The following PAX5 variants were observed in gnomAD, a reference collection of about 807,000 sequenced individuals.
The protein encoded by PAX5 is paired box protein Pax-5.
A neutral mutation model predicts 43.7 loss-of-function variants in PAX5; 9 were observed. The ratio of observed to expected loss-of-function variants is 0.21; its 90% confidence interval spans 0.12 to 0.36. PAX5 has a LOEUF of 0.36. PAX5 is among the 10% of genes least tolerant of loss of function. The pLI is 1.00. For synonymous variants in PAX5, 228 were observed against 214.3 expected, an observed-to-expected ratio of 1.06 and a Z score of -0.56; for missense variants, 383 against 532.7, an observed-to-expected ratio of 0.72 and a Z score of 2.77.
At position 36,838,230 on chromosome 9, in the gene PAX5, C is replaced by A. The variant is rs992638897; in HGVS notation, c.*2330G>T. 2.1e-5 allele frequency: 5 copies of A among 233,038 alleles called. No homozygotes were observed. Among genetic ancestry groups the A allele is most frequent in the African/African-American group, 8.8e-5 (4 of 45,312 alleles). The allele number at this position is 233,038 out of a possible 1,614,324, so 14.4% of individuals were successfully genotyped here. ...GTGCCTGCTGTGAGCTCGCTGGGCT[C>A]CATCCCTGGCCTGGGTGACCAGGCT... On this transcript the variant is annotated 3_prime_UTR_variant, in exon 10 of 10. Transcript: ENST00000358127.
intron 8 of PAX5, among the ~76,000 whole-genome samples, chr9:36,860,543 C>T (rs1824119866): frequency 6.6e-6 from 1 of 152,158 alleles, no homozygotes; most frequent in African/African-American, 2.4e-5. Context: ...GAGGACAAGC[C>T]TCCTGCACCC....
intron 6 of PAX5, among the ~76,000 whole-genome samples, chr9:36,951,114 A>AG (rs1289540491): frequency 1.3e-5 from 2 of 152,196 alleles, no homozygotes; most frequent in South Asian, 2.1e-4. Flanking sequence ...GTAGGGAAGT[A>AG]GGGTGGTAGG....
chr9:36,950,165 ACAGGTAGATAAAGTTATCTGT>A (rs771840930), intron 6 of PAX5, among the ~76,000 whole-genome samples: 23 of 152,166 alleles, frequency 1.5e-4, no homozygotes, highest in Admixed American at 9.2e-4. Flanking sequence ...ACTGTAACCA[ACAGGTAGATAAAGTTATCTGT>A]CCTCTTGGTG....
intron 7 of PAX5, among the ~76,000 whole-genome samples, chr9:36,913,562 A>G (rs1358572424): frequency 6.6e-6 from 1 of 152,228 alleles, no homozygotes; most frequent in Non-Finnish European, 1.5e-5. Flanking sequence ...ATTAGTCCCA[A>G]TCAGGACAGG....
chr9:36,902,583 C>T (rs3758162), intron 7 of PAX5, among the ~76,000 whole-genome samples: 7,271 of 152,244 alleles, frequency 0.048, 301 homozygotes, highest in Admixed American at 0.097. Flanking sequence ...GGCCCTGAAG[C>T]CCAGGTGGAG....
At chr9:36,940,432 C>T (rs1417217107) in intron 6 of PAX5, among the ~76,000 whole-genome samples, 1 of 152,120 alleles carries the variant, frequency 6.6e-6, no homozygotes, top group Admixed American at 6.5e-5. Flanking sequence ...AGGAGCCACT[C>T]TTTGTGGAAA....
chr9:36,954,203 A>G (rs2132123930), intron 6 of PAX5, among the ~76,000 whole-genome samples: 1 of 152,318 alleles, frequency 6.6e-6, no homozygotes, highest in Admixed American at 6.5e-5. Context: ...ACATGAAGTA[A>G]TTGGACTAAA....
rs1826542580 is a variant in PAX5 at position 36,882,587 on chromosome 9, TCTC to T, written c.911-485_911-483del. On this transcript the variant is annotated intron_variant, in intron 7 of 9. Coordinates refer to ENST00000358127, the MANE Select transcript of PAX5 (RefSeq NM_016734.3). The surrounding 1 kb of genome is among the most constrained non-coding windows in gnomAD (Gnocchi z 4.4). ...CAAAGACCAGCTCAAATGCCTCCCT[TCTC>T]CTCTCCTCAACAGCCCCCCACAGTG... Among the ~76,000 whole-genome samples the T allele has an allele frequency of 6.6e-6, 1 of 152,132 alleles. No homozygotes were observed. The highest frequency in any genetic ancestry group is 2.4e-5 in the African/African-American group (1 of 41,406).
In PAX5 at chr9:36,878,876, G is replaced by T. The variant is rs573165201; in HGVS notation, c.1012+3128C>A. 7.9e-5 allele frequency among the ~76,000 whole-genome samples: 12 copies of T among 152,354 alleles called. No homozygotes were observed. In the South Asian group the frequency reaches 2.3e-3, roughly 29 times the overall value. Reference sequence around the variant, plus strand: ...CTGAGCTTGGAATCCCAGCCCTGACGCCAGGCATGGCACTGAATAAATGCT... The same window carrying T: ...CTGAGCTTGGAATCCCAGCCCTGACTCCAGGCATGGCACTGAATAAATGCT... On this transcript the variant is annotated intron_variant, in intron 8 of 9. Coordinates refer to ENST00000358127, the MANE Select transcript of PAX5 (RefSeq NM_016734.3).
At chr9:37,003,297 A>G (rs565201578) in intron 4 of PAX5, among the ~76,000 whole-genome samples, 67 of 152,068 alleles carry the variant, frequency 4.4e-4, no homozygotes, top group Non-Finnish European at 9.0e-4. Context: ...TCCAAACCGC[A>G]GAGTGCCCCT....
rs1427028101 is a variant in PAX5 at position 36,904,402 on chromosome 9, T to C, written c.910+18953A>G. ...CACAGAGGCATACGAAAGGAACTAATGGGTCTGAAAAGGCAAACACTTCTC... is the reference window on the plus strand; with the variant it reads ...CACAGAGGCATACGAAAGGAACTAACGGGTCTGAAAAGGCAAACACTTCTC... On this transcript the variant is annotated intron_variant, in intron 7 of 9. Coordinates refer to ENST00000358127, the MANE Select transcript of PAX5 (RefSeq NM_016734.3). Among the ~76,000 whole-genome samples the C allele has an allele frequency of 2.6e-5, 4 of 152,312 alleles. No homozygotes were observed. In the East Asian group the frequency reaches 7.7e-4, roughly 29 times the overall value.
intron 7 of PAX5, 38 bp downstream of exon 7, chr9:36,923,317 T>TCTCC (rs1449068278): frequency 8.2e-6 from 13 of 1,591,368 alleles, no homozygotes; most frequent in Non-Finnish European, 1.1e-5. Flanking sequence ...TCTCTCTCTC[T>TCTCC]CTCCCTCACT....
rs370184508 is a variant in PAX5 at position 37,024,921 on chromosome 9, G to A, written c.47-4120C>T. Among the ~76,000 whole-genome samples, 711 of 152,332 alleles carry A rather than the reference G, an allele frequency of 4.7e-3. 4 individuals carry two copies. The highest frequency in any genetic ancestry group is 0.016 in the African/African-American group (656 of 41,580). ...AGTGAGGAGAGAAGTGCAGGGGCTG[G>A]TGCTCCCCATCTGTCCCCACAGTTG... is the stretch of plus-strand genomic sequence containing the variant. On this transcript the variant is annotated intron_variant, in intron 1 of 9. Transcript: ENST00000358127.
At chr9:36,968,230 C>G (rs1834612475) in intron 5 of PAX5, among the ~76,000 whole-genome samples, 1 of 152,224 alleles carries the variant, frequency 6.6e-6, no homozygotes, top group African/African-American at 2.4e-5. Flanking sequence ...TGACCCCTGC[C>G]CCCACCAGTG....
intron 1 of PAX5, among the ~76,000 whole-genome samples, chr9:37,031,548 A>G (rs1049966321): frequency 6.6e-6 from 1 of 152,154 alleles, no homozygotes; most frequent in South Asian, 2.1e-4. Context: ...TTTTTCTCCA[A>G]GGGGGTCCAT....
chr9:37,007,210 G>T (rs527323370), intron 3 of PAX5, among the ~76,000 whole-genome samples: 18 of 152,318 alleles, frequency 1.2e-4, no homozygotes, highest in African/African-American at 4.3e-4. Context: ...ATCCTGGCCT[G>T]TCTTTTCAGA....
chr9:36,845,644 GC>G (rs1293775569), intron 9 of PAX5, among the ~76,000 whole-genome samples: 2 of 152,158 alleles, frequency 1.3e-5, no homozygotes, highest in African/African-American at 2.4e-5. Flanking sequence ...CCTTTGGACA[GC>G]CCAAGGTCCC....
chr9:36,897,609 G>T (rs541845485), intron 7 of PAX5, among the ~76,000 whole-genome samples: 1 of 152,306 alleles, frequency 6.6e-6, no homozygotes, highest in South Asian at 2.1e-4. Context: ...CAAGGGCAGG[G>T]TCTTGCCCAG....
chr9:36,909,192 A>G (rs1040063837), intron 7 of PAX5, among the ~76,000 whole-genome samples: 5 of 152,200 alleles, frequency 3.3e-5, no homozygotes, highest in African/African-American at 1.2e-4. Context: ...TCAAATTTCA[A>G]TAGAATTCAC....
Sources: allele counts gnomAD v4.1 joint callset (sites outside exome capture counted in the v4.1 genomes callset), GRCh38; gene constraint gnomAD v4.1.1; non-coding constraint Gnocchi (gnomAD v3.1); transcripts MANE v1.5; gene names NCBI Gene and HGNC (gene_info 2026-07-23, HGNC 2026-07-21).